The following CLASP1 variants were observed in gnomAD, a reference collection of about 807,000 sequenced individuals.
CLASP1 encodes the protein cytoplasmic linker associated protein 1.
A neutral mutation model predicts 192.3 loss-of-function variants in CLASP1; 38 were observed. That is an observed-to-expected ratio of 0.20 (90% confidence interval 0.15 to 0.26). CLASP1 has a LOEUF of 0.26. Among genes scored for constraint, CLASP1 ranks in the 10% least tolerant of loss-of-function variants. CLASP1 has a pLI of 1.00. For missense variants in CLASP1, 1,433 were observed against 1,932.5 expected, an observed-to-expected ratio of 0.74 and a Z score of 4.85; for synonymous variants, 691 against 712.8, an observed-to-expected ratio of 0.97 and a Z score of 0.49.
At chr2:121,634,851 T>G (rs1429778757) in intron 1 of CLASP1, among the ~76,000 whole-genome samples, 1 of 152,210 alleles carries the variant, frequency 6.6e-6, no homozygotes, top group East Asian at 1.9e-4. Context: ...AAAAGAATGC[T>G]GCTTCTGTCA....
At position 121,550,002 on chromosome 2, in the gene CLASP1, T is replaced by A. The variant is rs530990047; in HGVS notation, c.196-19677A>T. Among the ~76,000 whole-genome samples, 25 of 109,876 alleles carry A rather than the reference T, an allele frequency of 2.3e-4. No homozygotes were observed. In the South Asian group the frequency reaches 6.9e-3, roughly 30 times the overall value. The allele number at this position is 109,876 out of a possible 152,430, so 72.1% of individuals were successfully genotyped here. A position where few individuals can be genotyped will look rare whatever the true frequency, so the allele number is the denominator to read the frequency against. On this transcript the variant is annotated intron_variant, in intron 2 of 39. Coordinates refer to ENST00000263710, the Ensembl canonical transcript of CLASP1. ...GCCTGGGTGACAGAGCACGACTCCG[T>A]CTCAAAAAAAAAAAAAAAAAAAAAA...
Position 121,517,858 on chromosome 2 carries a change from C to CTTTTTTTTTT in CLASP1, c.547-2106_547-2097dup, listed in dbSNP as rs70954553. 3.0e-3 allele frequency among the ~76,000 whole-genome samples: 91 copies of CTTTTTTTTTT among 30,816 alleles called. 20 individuals are homozygous for CTTTTTTTTTT. The highest frequency in any genetic ancestry group is 0.012 in the African/African-American group (80 of 6,908). 20.2% of individuals were successfully genotyped at this position (30,816 alleles called of 152,430 possible). On this transcript the variant is annotated intron_variant, in intron 6 of 39. Coordinates refer to ENST00000263710, the Ensembl canonical transcript of CLASP1. ...CCTCAGAGACAAAGCAAGACTCAAG[C>CTTTTTTTTTT]TTTTTTTTTTTTTTTTTTTTTTTTT...
intron 2 of CLASP1, among the ~76,000 whole-genome samples, chr2:121,535,810 C>T (rs2095050846): frequency 6.6e-6 from 1 of 151,736 alleles, no homozygotes; most frequent in Admixed American, 6.6e-5. Flanking sequence ...AGGCGCGTGC[C>T]AACACACCAC....
chr2:121,593,798 G>T (rs539223576), intron 2 of CLASP1, among the ~76,000 whole-genome samples: 1 of 151,564 alleles, frequency 6.6e-6, no homozygotes, highest in Non-Finnish European at 1.5e-5. Context: ...ATCACCTGAG[G>T]TTGGGAGTTC....
intron 2 of CLASP1, among the ~76,000 whole-genome samples, chr2:121,534,770 T>G (rs1208778291): frequency 6.6e-6 from 1 of 152,098 alleles, no homozygotes; most frequent in African/African-American, 2.4e-5. Context: ...TCAAGCAATC[T>G]GCCTGCCTCA....
At chr2:121,384,053 CATATATGT>C (rs1558972480) in intron 32 of CLASP1, among the ~76,000 whole-genome samples, 3 of 135,382 alleles carry the variant, frequency 2.2e-5, no homozygotes, top group Admixed American at 7.3e-5. Flanking sequence ...TATATACACA[CATATATGT>C]ATATATACAC....
chr2:121,432,869 A>C (rs1359691665), intron 19 of CLASP1, among the ~76,000 whole-genome samples: 2 of 152,218 alleles, frequency 1.3e-5, no homozygotes, highest in Non-Finnish European at 2.9e-5. Flanking sequence ...TCAGCTTATT[A>C]CCCTCAAATA....
At chr2:121,622,377 C>A (rs773076262) in intron 1 of CLASP1, among the ~76,000 whole-genome samples, 8 of 151,460 alleles carry the variant, frequency 5.3e-5, no homozygotes, top group African/African-American at 1.9e-4. Flanking sequence ...TTGAGACCAA[C>A]CTGGGCAACA....
intron 8 of CLASP1, among the ~76,000 whole-genome samples, chr2:121,496,750 C>G (rs2093552151): frequency 6.6e-6 from 1 of 152,136 alleles, no homozygotes; most frequent in Non-Finnish European, 1.5e-5. Context: ...AAATGTAAAC[C>G]TGCAAACATG....
chr2:121,554,454 TAAAAAA>T (rs56965310), intron 2 of CLASP1, among the ~76,000 whole-genome samples: 3 of 87,562 alleles, frequency 3.4e-5, no homozygotes, highest in African/African-American at 1.3e-4. Context: ...CTACAAAAAG[TAAAAAA>T]AAAAAAAAAA....
At chr2:121,539,031 A>C (rs1260792449) in intron 2 of CLASP1, among the ~76,000 whole-genome samples, 1 of 152,190 alleles carries the variant, frequency 6.6e-6, no homozygotes, top group Non-Finnish European at 1.5e-5. Flanking sequence ...AGCTAAAATA[A>C]ACGGAAAGAT....
At chr2:121,402,555 A>G (rs2076291977) in intron 26 of CLASP1, 1 of 515,324 alleles carries the variant, frequency 1.9e-6, no homozygotes, top group Non-Finnish European at 3.9e-6. Context: ...ACTTACAGGC[A>G]GCTAACAAAT....
chr2:121,644,345 C>T (rs1280997276), intron 1 of CLASP1, among the ~76,000 whole-genome samples: 1 of 145,458 alleles, frequency 6.9e-6, no homozygotes, highest in African/African-American at 2.5e-5. Context: ...ATTTAAAGGA[C>T]ATTAAAAAAA....
At chr2:121,478,177 A>G (rs1200193002) in intron 8 of CLASP1, among the ~76,000 whole-genome samples, 7 of 152,220 alleles carry the variant, frequency 4.6e-5, no homozygotes, top group African/African-American at 7.2e-5. Flanking sequence ...TGTTTGTTCA[A>G]TATACATCAT....
chr2:121,555,641 C>T (rs941346628), intron 2 of CLASP1, among the ~76,000 whole-genome samples: 1 of 152,200 alleles, frequency 6.6e-6, no homozygotes, highest in Non-Finnish European at 1.5e-5. Flanking sequence ...TGTATCCTTG[C>T]TTCCAATCCC....
At chr2:121,495,348 T>TA (rs2093485514) in intron 8 of CLASP1, among the ~76,000 whole-genome samples, 1 of 96,730 alleles carries the variant, frequency 1.0e-5, no homozygotes, top group East Asian at 3.3e-4. Context: ...TAAAAATATT[T>TA]AAAGAGTATT....
chr2:121,518,290 C>T (rs72969370), intron 6 of CLASP1, among the ~76,000 whole-genome samples: 5,740 of 144,828 alleles, frequency 0.04, 157 homozygotes, highest in East Asian at 0.14. Context: ...GTCATGATGG[C>T]GGGACCCTAA....
At chr2:121,393,540 T>G (rs1480500130) in intron 30 of CLASP1, among the ~76,000 whole-genome samples, 1 of 152,178 alleles carries the variant, frequency 6.6e-6, no homozygotes, top group East Asian at 1.9e-4. Context: ...TACATCACAA[T>G]TCTAAGTATT....
intron 34 of CLASP1, among the ~76,000 whole-genome samples, chr2:121,373,575 T>C (rs539790849): frequency 6.6e-6 from 1 of 152,264 alleles, no homozygotes; most frequent in South Asian, 2.1e-4. Context: ...TAGAGACTTG[T>C]TGAATAGTTG....
Sources: allele counts gnomAD v4.1 joint callset (sites outside exome capture counted in the v4.1 genomes callset), GRCh38; gene constraint gnomAD v4.1.1; transcripts MANE v1.5; gene names NCBI Gene and HGNC (gene_info 2026-07-23, HGNC 2026-07-21).